RIT2: variants seen among roughly 807,000 people sequenced by gnomAD.
RIT2 encodes the protein Ras like without CAAX 2.
In RIT2, 24 loss-of-function variants were observed where a neutral mutation model predicts 23.7. The ratio of observed to expected loss-of-function variants is 1.01; its 90% confidence interval spans 0.73 to 1.43. The LOEUF is 1.43. RIT2 is among the 40% of genes most tolerant of loss of function. The pLI is 0.00. For synonymous variants in RIT2, 107 were observed against 91.1 expected (o/e 1.17, Z -0.99); for missense variants, 236 against 266.9 (o/e 0.88, Z 0.81).
chr18:42,845,333 C>T (rs1276699979), intron 4 of RIT2, among the ~76,000 whole-genome samples: 1 of 151,374 alleles, frequency 6.6e-6, no homozygotes. Flanking sequence ...AAATATGTTT[C>T]CAAATGAAGA....
At chr18:42,753,636 G>C (rs924639199) in intron 4 of RIT2, among the ~76,000 whole-genome samples, 1 of 152,152 alleles carries the variant, frequency 6.6e-6, no homozygotes, top group South Asian at 2.1e-4. Flanking sequence ...CATCATCAAA[G>C]TAGCAGGAAT....
intron 4 of RIT2, among the ~76,000 whole-genome samples, chr18:42,841,950 CA>C (rs1448305315): frequency 6.6e-6 from 1 of 152,208 alleles, no homozygotes; most frequent in African/African-American, 2.4e-5. Context: ...CCTGCATTCA[CA>C]TAATGGATTC....
At chr18:43,054,919 T>G (rs1379797358) in intron 1 of RIT2, among the ~76,000 whole-genome samples, 1 of 152,062 alleles carries the variant, frequency 6.6e-6, no homozygotes, top group African/African-American at 2.4e-5. Flanking sequence ...GATATATGTG[T>G]TTTTCAATCT....
At chr18:42,976,104 G>T (rs529805263) in intron 2 of RIT2, among the ~76,000 whole-genome samples, 1 of 151,906 alleles carries the variant, frequency 6.6e-6, no homozygotes, top group East Asian at 1.9e-4. Context: ...TCAATTGTTG[G>T]TTTCTAGTTT....
chr18:43,090,300 G>T (rs1252195088), intron 1 of RIT2, among the ~76,000 whole-genome samples: 1 of 152,136 alleles, frequency 6.6e-6, no homozygotes, highest in Non-Finnish European at 1.5e-5. Flanking sequence ...TTAGAGAAAT[G>T]CAAATCAAAA....
chr18:43,096,626 T>C (rs1393706790), intron 1 of RIT2, among the ~76,000 whole-genome samples: 2 of 151,888 alleles, frequency 1.3e-5, no homozygotes, highest in African/African-American at 4.8e-5. Context: ...ATATCTAAAA[T>C]GGTTTTAAAA....
chr18:42,973,349 C>G (rs146990292), intron 3 of RIT2, among the ~76,000 whole-genome samples: 1 of 151,660 alleles, frequency 6.6e-6, no homozygotes, highest in East Asian at 1.9e-4. Context: ...TTATTCTTCT[C>G]TTTTTCCCAT....
intron 3 of RIT2, among the ~76,000 whole-genome samples, chr18:42,934,417 T>C (rs1274382808): frequency 6.6e-6 from 1 of 152,148 alleles, no homozygotes; most frequent in African/African-American, 2.4e-5. Context: ...AGGATTTCAT[T>C]ATTAGGTTAG....
intron 4 of RIT2, among the ~76,000 whole-genome samples, chr18:42,901,104 C>G (rs1208243745): frequency 6.6e-6 from 1 of 151,774 alleles, no homozygotes; most frequent in Non-Finnish European, 1.5e-5. Flanking sequence ...TATTTGCTGC[C>G]AACTGCTCAT....
intron 1 of RIT2, among the ~76,000 whole-genome samples, chr18:43,038,559 T>C (rs1295308072): frequency 6.6e-6 from 1 of 152,120 alleles, no homozygotes; most frequent in Non-Finnish European, 1.5e-5. Context: ...TCTCAGATGA[T>C]TTTGTCTTTT....
intron 2 of RIT2, among the ~76,000 whole-genome samples, chr18:42,998,701 G>T (rs2144238654): frequency 6.6e-6 from 1 of 152,124 alleles, no homozygotes; most frequent in East Asian, 1.9e-4. Context: ...TAAATTACTA[G>T]ATATCAAGAT....
At chr18:43,034,789 C>T (rs1354453129) in intron 1 of RIT2, among the ~76,000 whole-genome samples, 2 of 152,148 alleles carry the variant, frequency 1.3e-5, no homozygotes, top group African/African-American at 2.4e-5. Flanking sequence ...CCCCTGATAT[C>T]TGATCCTCTG....
intron 3 of RIT2, among the ~76,000 whole-genome samples, chr18:42,958,327 T>A (rs1373734199): frequency 6.6e-6 from 1 of 152,148 alleles, no homozygotes; most frequent in Non-Finnish European, 1.5e-5. Flanking sequence ...ATATAAAAAA[T>A]TATTGACCAA....
At chr18:43,055,014 T>C (rs1912466960) in intron 1 of RIT2, among the ~76,000 whole-genome samples, 1 of 152,114 alleles carries the variant, frequency 6.6e-6, no homozygotes, top group Non-Finnish European at 1.5e-5. Context: ...CATCAATTCA[T>C]GGGTAACCCT....
chr18:43,056,633 A>C (rs1912508898), intron 1 of RIT2, among the ~76,000 whole-genome samples: 1 of 152,132 alleles, frequency 6.6e-6, no homozygotes, highest in Admixed American at 6.5e-5. Flanking sequence ...CATATTGAAG[A>C]AATAAATCAT....
intron 4 of RIT2, among the ~76,000 whole-genome samples, chr18:42,762,093 T>C (rs1159307448): frequency 1.3e-5 from 2 of 152,226 alleles, no homozygotes; most frequent in African/African-American, 4.8e-5. Flanking sequence ...TAGGTCTCAC[T>C]GGGAGGAAGT....
chr18:42,827,897 C>G (rs967322094), intron 4 of RIT2, among the ~76,000 whole-genome samples: 5 of 146,320 alleles, frequency 3.4e-5, no homozygotes, highest in African/African-American at 5.1e-5. Flanking sequence ...CCCAGCTACT[C>G]GGGAGGCTGA....
chr18:42,852,523 T>G (rs1568012910), intron 4 of RIT2, among the ~76,000 whole-genome samples: 1 of 152,172 alleles, frequency 6.6e-6, no homozygotes, highest in African/African-American at 2.4e-5. Flanking sequence ...TTTCCTCACT[T>G]TCACCATTTA....
chr18:43,115,462 C>G lies in RIT2; in HGVS notation c.58G>C (p.Glu20Gln). The G allele has an allele frequency of 1.9e-6, 3 of 1,613,882 alleles. No homozygotes were observed. The highest frequency in any genetic ancestry group is 1.7e-6 in the Non-Finnish European group (2 of 1,179,874). The change falls in exon 1 of 5, where the codon GAG becomes CAG. Residue 20 changes from glutamate (E) to glutamine (Q), a missense_variant. Glu to Gln is a conservative substitution (Grantham distance 29). Coordinates refer to ENST00000326695, the MANE Select transcript of RIT2 (RefSeq NM_002930.4). ...SPGSASGGSR[E>Q]YKVVMLGAGG... ...GCTCCCAGCATTACCACCTTGTACT[C>G]TCTGGACCCGCCTGATGCGCTGCCC...
Sources: gnomAD v4.1 joint callset for allele counts (sites outside exome capture counted in the v4.1 genomes callset) on GRCh38, gnomAD v4.1.1 for gene constraint, MANE v1.5 for transcripts, NCBI Gene and HGNC (gene_info 2026-07-23, HGNC 2026-07-21) for gene names.